The following SLC9A2 variants were observed in gnomAD, a reference collection of about 807,000 sequenced individuals.
The protein encoded by SLC9A2 is sodium/hydrogen exchanger 2.
In SLC9A2, 42 loss-of-function variants were observed where a neutral mutation model predicts 71.7. The observed-to-expected ratio is 0.59, with a 90% CI of 0.46 to 0.76. SLC9A2 has a LOEUF of 0.76. SLC9A2 is among the 30% of genes least tolerant of loss of function. SLC9A2 has a pLI of 0.00. For missense variants in SLC9A2, 829 were observed against 1,017.4 expected (o/e 0.81, Z 2.52); for synonymous variants, 396 against 392.5 (o/e 1.01, Z -0.10).
intron 3 of SLC9A2, among the ~76,000 whole-genome samples, chr2:102,681,389 C>T (rs1029351953): frequency 6.6e-6 from 1 of 152,208 alleles, no homozygotes; most frequent in Admixed American, 6.5e-5. Flanking sequence ...GTCTTTAAAT[C>T]AAACTGCCCA....
chr2:102,641,019 C>G (rs561897152), intron 1 of SLC9A2, among the ~76,000 whole-genome samples: 11 of 152,298 alleles, frequency 7.2e-5, no homozygotes, highest in African/African-American at 2.6e-4. Context: ...TTTAGGGGCT[C>G]TGTGCCAGGA....
rs549798803 is a variant in SLC9A2 at position 102,672,769 on chromosome 2, G to A, written c.1004+7419G>A. On this transcript the variant is annotated intron_variant, in intron 3 of 11. Transcript: ENST00000233969. ...GGAATGAGCAGCGTACTTTAAAACAGATTCCCTGGGTTGAGATAATATATA... is the reference window on the plus strand; with the variant it reads ...GGAATGAGCAGCGTACTTTAAAACAAATTCCCTGGGTTGAGATAATATATA... Among the ~76,000 whole-genome samples, 5 of 152,184 alleles carry A rather than the reference G, an allele frequency of 3.3e-5. No individual in the cohort carries two copies. The South Asian group carries it at 1.0e-3, about 32-fold the overall frequency.
At chr2:102,653,115 T>C (rs11902740) in intron 1 of SLC9A2, among the ~76,000 whole-genome samples, 2,970 of 152,314 alleles carry the variant, frequency 0.019, 110 homozygotes, top group African/African-American at 0.068. Flanking sequence ...AGAGGGCATG[T>C]TACACAACAC....
chr2:102,683,572 CT>C, intron 4 of SLC9A2, 94 bp downstream of exon 4: 1 of 911,794 alleles, frequency 1.1e-6, no homozygotes, highest in Non-Finnish European at 1.7e-6. Context: ...GTTGTGGATT[CT>C]TTTATGTCTG....
chr2:102,689,075 G>A (rs1351767456), intron 5 of SLC9A2, among the ~76,000 whole-genome samples: 3 of 152,188 alleles, frequency 2.0e-5, no homozygotes, highest in Non-Finnish European at 2.9e-5. Context: ...TTTCATGAAT[G>A]CTACAGAAGA....
intron 1 of SLC9A2, among the ~76,000 whole-genome samples, chr2:102,635,290 G>T (rs999095908): frequency 6.6e-6 from 1 of 152,180 alleles, no homozygotes; most frequent in South Asian, 2.1e-4. Flanking sequence ...TGGTGTTCAG[G>T]GTTGGGAAGG....
intron 1 of SLC9A2, among the ~76,000 whole-genome samples, chr2:102,622,829 A>G (rs1676168076): frequency 6.6e-6 from 1 of 152,358 alleles, no homozygotes; most frequent in East Asian, 1.9e-4. Flanking sequence ...CTAGCACTAC[A>G]GAACCTTTTC....
At chr2:102,660,760 G>T (rs1403949035) in intron 2 of SLC9A2, among the ~76,000 whole-genome samples, 1 of 152,048 alleles carries the variant, frequency 6.6e-6, no homozygotes, top group Non-Finnish European at 1.5e-5. Flanking sequence ...AAGAATAGGG[G>T]TTAGTTTAAG....
chr2:102,658,094 T>A (rs1327385153), intron 2 of SLC9A2, 67 bp downstream of exon 2: 4 of 1,248,626 alleles, frequency 3.2e-6, no homozygotes, highest in Non-Finnish European at 3.4e-6. Context: ...AGTGGCTCTC[T>A]GCACCTCAAC....
chr2:102,635,447 C>T (rs112997791), intron 1 of SLC9A2, among the ~76,000 whole-genome samples: 20 of 152,340 alleles, frequency 1.3e-4, no homozygotes, highest in African/African-American at 3.6e-4. Context: ...AATACATGCA[C>T]GCCTGTGTGC....
chr2:102,640,727 G>GGAA (rs1361556460), intron 1 of SLC9A2, among the ~76,000 whole-genome samples: 3 of 152,142 alleles, frequency 2.0e-5, no homozygotes, highest in African/African-American at 7.2e-5. Flanking sequence ...GATAGGTGAT[G>GGAA]GAACTCAACC....
rs571153159 is a variant in SLC9A2 at position 102,681,183 on chromosome 2, T to C, written c.1005-2078T>C. Among the ~76,000 whole-genome samples, 8 of 152,304 alleles carry C rather than the reference T, an allele frequency of 5.3e-5. 1 individual carries two copies. In the South Asian group the frequency reaches 1.5e-3, roughly 28 times the overall value. Reference sequence around the variant, plus strand: ...GTGGGCAGGGAAGACCTCCTTCCCATCAGAGATCGTAGGGCTCATTAAGAA... The same window carrying C: ...GTGGGCAGGGAAGACCTCCTTCCCACCAGAGATCGTAGGGCTCATTAAGAA... On this transcript the variant is annotated intron_variant, in intron 3 of 11. Transcript: ENST00000233969.
chr2:102,695,994 A>G (rs923858676), intron 7 of SLC9A2, among the ~76,000 whole-genome samples: 4 of 151,616 alleles, frequency 2.6e-5, no homozygotes, highest in Non-Finnish European at 5.9e-5. Flanking sequence ...GACAGGCAGA[A>G]TTAGATGTAT....
intron 1 of SLC9A2, among the ~76,000 whole-genome samples, chr2:102,641,281 C>A (rs928576636): frequency 6.6e-6 from 1 of 152,124 alleles, no homozygotes; most frequent in Non-Finnish European, 1.5e-5. Context: ...GCTCTGTAAA[C>A]GTCTCAAATG....
Position 102,619,671 on chromosome 2 carries a change from C to G in SLC9A2, c.-178C>G, listed in dbSNP as rs1676093506. The G allele has an allele frequency of 2.0e-6, 1 of 495,066 alleles. No homozygotes were observed. The highest frequency in any genetic ancestry group is 2.0e-5 in the African/African-American group (1 of 49,382). The allele number at this position is 495,066 out of a possible 1,614,324, so 30.7% of individuals were successfully genotyped here. On this transcript the variant is annotated 5_prime_UTR_variant, in exon 1 of 12. Coordinates refer to ENST00000233969, the MANE Select transcript of SLC9A2 (RefSeq NM_003048.6). The surrounding 1 kb of genome is among the most constrained non-coding windows in gnomAD (Gnocchi z 4.3). Reference sequence around the variant, plus strand: ...CGTGCCTCGCCAGGCAGTGCGCCTGCTCGCAGCGAGGACCTAGCCCTCTGG... The same window carrying G: ...CGTGCCTCGCCAGGCAGTGCGCCTGGTCGCAGCGAGGACCTAGCCCTCTGG...
chr2:102,683,597 T>C, intron 4 of SLC9A2, 119 bp downstream of exon 4: 1 of 769,296 alleles, frequency 1.3e-6, no homozygotes, highest in Non-Finnish European at 2.1e-6. Flanking sequence ...AATTTCTTCT[T>C]CTTTCTTACC....
At chr2:102,622,860 T>A (rs1487973993) in intron 1 of SLC9A2, among the ~76,000 whole-genome samples, 2 of 152,216 alleles carry the variant, frequency 1.3e-5, no homozygotes, top group African/African-American at 4.8e-5. Context: ...TGTCCTGGGC[T>A]GCCACCTGTC....
chr2:102,701,706 A>G (rs1441981742), intron 8 of SLC9A2, among the ~76,000 whole-genome samples: 1 of 152,162 alleles, frequency 6.6e-6, no homozygotes, highest in Non-Finnish European at 1.5e-5. Flanking sequence ...CCACCAATAA[A>G]TAACATAAAA....
At chr2:102,698,939 C>A (rs1677818442) in intron 7 of SLC9A2, among the ~76,000 whole-genome samples, 1 of 152,122 alleles carries the variant, frequency 6.6e-6, no homozygotes, top group Non-Finnish European at 1.5e-5. Context: ...CCAAATGATT[C>A]ATTCTACCAC....
Sources: gnomAD v4.1 joint callset for allele counts (sites outside exome capture counted in the v4.1 genomes callset) on GRCh38, gnomAD v4.1.1 for gene constraint, Gnocchi (gnomAD v3.1) non-coding constraint, MANE v1.5 for transcripts, NCBI Gene and HGNC (gene_info 2026-07-23, HGNC 2026-07-21) for gene names.